The following HERC3 variants were observed in gnomAD, a reference collection of about 807,000 sequenced individuals.
HERC3 encodes probable E3 ubiquitin-protein ligase HERC3.
HERC3 carries 58 observed loss-of-function variants against 129.9 expected under a neutral mutation model. That is an observed-to-expected ratio of 0.45 (90% CI 0.36 to 0.56). The LOEUF (loss-of-function observed/expected upper bound fraction) is 0.56. Among genes scored for constraint, HERC3 ranks in the 20% least tolerant of loss-of-function variants. The probability of loss-of-function intolerance (pLI) is 0.00; values close to 1 mark genes in which losing one functional copy is unlikely to be tolerated. For synonymous variants in HERC3, 430 were observed against 451.0 expected (o/e 0.95, Z 0.59); for missense variants, 835 against 1,244.2 (o/e 0.67, Z 4.95).
At chr4:88,573,204 A>T in the HERC3 span, among the ~76,000 whole-genome samples, 175 of 152,372 alleles carry the variant, frequency 1.1e-3, no homozygotes, top group African/African-American at 3.3e-3. Context: ...GTTCACTGAG[A>T]AAAAGAAAAT....
intron 1 of HERC3, 25 bp downstream of exon 1, chr4:88,592,599 C>G (rs1228086680): frequency 1.3e-5 from 2 of 152,318 alleles, no homozygotes; most frequent in Non-Finnish European, 2.9e-5. Context: ...GGCCGGGGTT[C>G]CAGGGAGGGG....
chr4:88,564,891 A>C, the HERC3 span, among the ~76,000 whole-genome samples: 5 of 151,886 alleles, frequency 3.3e-5, no homozygotes, highest in Non-Finnish European at 5.9e-5. Flanking sequence ...TACTGGTTTC[A>C]CTGTACCCCA....
At chr4:88,693,652 G>GTGTGTACATGTGTGTATA in intron 23 of HERC3, 1 of 981,932 alleles carries the variant, frequency 1.0e-6, no homozygotes, top group Non-Finnish European at 1.2e-6. Context: ...CCTCAATAAA[G>GTGTGTACATGTGTGTATA]TGTGTACATG....
intron 2 of HERC3, chr4:88,598,190 A>G (rs1381672508): frequency 6.6e-6 from 1 of 152,208 alleles, no homozygotes; most frequent in Admixed American, 6.5e-5. Flanking sequence ...TTTCAAACAA[A>G]GGGATAAGAA....
At chr4:88,553,266 G>A in the HERC3 span, among the ~76,000 whole-genome samples, 1 of 152,166 alleles carries the variant, frequency 6.6e-6, no homozygotes, top group Non-Finnish European at 1.5e-5. Flanking sequence ...TTGAACTCCT[G>A]CATCTAAGAT....
chr4:88,643,903 A>G (rs1728411077), intron 3 of HERC3, among the ~76,000 whole-genome samples: 1 of 152,206 alleles, frequency 6.6e-6, no homozygotes, highest in South Asian at 2.1e-4. Context: ...AGACTTATCT[A>G]TGAGTGTGTT....
At chr4:88,590,454 G>A (rs574203159), upstream of HERC3, among the ~76,000 whole-genome samples, 29 of 152,258 alleles carry the variant, frequency 1.9e-4, no homozygotes, top group South Asian at 6.0e-3. Context: ...AGTTACTCAG[G>A]AGGCTGCGAC....
chr4:88,609,349 A>G (rs1460048978), intron 3 of HERC3, among the ~76,000 whole-genome samples: 1 of 152,190 alleles, frequency 6.6e-6, no homozygotes, highest in South Asian at 2.1e-4. Context: ...GGGGATTATA[A>G]TACTCTTTCA....
intron 19 of HERC3, among the ~76,000 whole-genome samples, chr4:88,679,318 T>C (rs916849191): frequency 1.3e-5 from 2 of 152,184 alleles, no homozygotes; most frequent in Non-Finnish European, 2.9e-5. Context: ...TACCCTCTTC[T>C]CTTCTACATG....
intron 3 of HERC3, among the ~76,000 whole-genome samples, chr4:88,638,522 C>T (rs1727692572): frequency 6.6e-6 from 1 of 152,124 alleles, no homozygotes; most frequent in Admixed American, 6.5e-5. Flanking sequence ...CAGAAAAAGC[C>T]TTTGATAAAA....
chr4:88,689,383 G>T (rs970745633), intron 23 of HERC3, among the ~76,000 whole-genome samples: 2 of 151,454 alleles, frequency 1.3e-5, no homozygotes, highest in Non-Finnish European at 2.9e-5. Context: ...CAGGTGTGTG[G>T]CAGTGCACAT....
At chr4:88,565,527 T>C in the HERC3 span, among the ~76,000 whole-genome samples, 6 of 152,210 alleles carry the variant, frequency 3.9e-5, no homozygotes, top group Non-Finnish European at 7.3e-5. Flanking sequence ...AAATCTATTT[T>C]GTCTGATATA....
At chr4:88,662,181 C>T (rs1730560690) in intron 10 of HERC3, among the ~76,000 whole-genome samples, 2 of 152,114 alleles carry the variant, frequency 1.3e-5, no homozygotes, top group Admixed American at 6.6e-5. Flanking sequence ...GCGGGCTGGA[C>T]CTTTACACCA....
chr4:88,678,181 T>G (rs766714508), intron 19 of HERC3, 47 bp downstream of exon 19: 3 of 1,522,372 alleles, frequency 2.0e-6, no homozygotes, highest in African/African-American at 2.7e-5. Context: ...CAATTTTTCT[T>G]TGAACAGTGT....
intron 16 of HERC3, among the ~76,000 whole-genome samples, chr4:88,670,728 A>C (rs975583174): frequency 1.3e-5 from 2 of 152,150 alleles, no homozygotes; most frequent in Admixed American, 6.5e-5. Flanking sequence ...TTAAACCATA[A>C]TTAAAAAAAC....
At chr4:88,658,714 T>TATATTTATATAATTA (rs1730177110) in intron 10 of HERC3, among the ~76,000 whole-genome samples, 1 of 152,190 alleles carries the variant, frequency 6.6e-6, no homozygotes, top group African/African-American at 2.4e-5. Flanking sequence ...ATTTATAATT[T>TATATTTATATAATTA]GAAATTATTT....
intron 14 of HERC3, 103 bp from the exon 15 acceptor site, chr4:88,669,757 A>G: frequency 1.1e-6 from 1 of 933,950 alleles, no homozygotes; most frequent in Non-Finnish European, 1.6e-6. Context: ...ATTTTAGACT[A>G]ATGTTTATCT....
the HERC3 span, among the ~76,000 whole-genome samples, chr4:88,559,469 T>C: frequency 6.6e-6 from 1 of 152,234 alleles, no homozygotes; most frequent in Non-Finnish European, 1.5e-5. Flanking sequence ...ACCACTGTTT[T>C]GTTCTCTATC....
chr4:88,550,471 G>A, the HERC3 span, among the ~76,000 whole-genome samples: 25 of 151,640 alleles, frequency 1.6e-4, no homozygotes, highest in South Asian at 8.3e-4. Flanking sequence ...AAAATCACAA[G>A]CATTCTTATA....
Sources: allele counts gnomAD v4.1 joint callset (sites outside exome capture counted in the v4.1 genomes callset), GRCh38; gene constraint gnomAD v4.1.1; transcripts MANE v1.5; gene names NCBI Gene and HGNC (gene_info 2026-07-23, HGNC 2026-07-21).